The following ZNF695 variants were observed in gnomAD, a reference collection of about 807,000 sequenced individuals.
The protein encoded by ZNF695 is zinc finger protein 695, also known as zinc finger protein SBZF3.
In ZNF695, 11 loss-of-function variants were observed where a neutral mutation model predicts 11.2. The observed-to-expected ratio is 0.98, with a 90% CI of 0.62 to 1.62. The LOEUF (loss-of-function observed/expected upper bound fraction) is 1.62, where lower values mean the gene tolerates loss of function less well. Among genes scored for constraint, ZNF695 ranks in the 40% most tolerant of loss-of-function variants. The pLI is 0.00. For missense variants in ZNF695, 559 were observed against 590.5 expected (o/e 0.95, Z 0.55); for synonymous variants, 190 against 201.4 (o/e 0.94, Z 0.48).
chr1:246,966,818 G>A (rs1448651075), intron 5 of ZNF695: 3 of 456,680 alleles, frequency 6.6e-6, no homozygotes, highest in South Asian at 4.6e-5. Flanking sequence ...GAAAGTTGTG[G>A]GGAGGTCCTG....
chr1:246,972,145 G>A (rs533644487), intron 4 of ZNF695, among the ~76,000 whole-genome samples: 8 of 152,324 alleles, frequency 5.3e-5, no homozygotes, highest in Middle Eastern at 3.4e-3. Flanking sequence ...GTAGCAGGTC[G>A]GTGCTCCGCC....
At chr1:246,971,686 A>G in intron 4 of ZNF695, among the ~76,000 whole-genome samples, 1 of 152,334 alleles carries the variant, frequency 6.6e-6, no homozygotes, top group East Asian at 1.9e-4. Flanking sequence ...GATTATTATA[A>G]TATTGGAATA....
intron 3 of ZNF695, among the ~76,000 whole-genome samples, chr1:246,989,081 G>A (rs1263748941): frequency 7.0e-6 from 1 of 142,340 alleles, no homozygotes; most frequent in Non-Finnish European, 1.5e-5. Context: ...GCAACAGAGC[G>A]AGACTCCGTC....
chr1:246,949,487 G>A (rs1024765953), intron 5 of ZNF695, among the ~76,000 whole-genome samples: 1 of 152,014 alleles, frequency 6.6e-6, no homozygotes, highest in Non-Finnish European at 1.5e-5. Context: ...GCTACTTGGG[G>A]GGCTGAGGCA....
At chr1:246,958,308 T>C (rs1668060131) in intron 5 of ZNF695, among the ~76,000 whole-genome samples, 2 of 152,030 alleles carry the variant, frequency 1.3e-5, no homozygotes, top group Non-Finnish European at 2.9e-5. Context: ...TCTGCCCTCC[T>C]CGGCCTCCCA....
rs563136074 is a variant in ZNF695, at chr1:246,956,298, T to C, written c.489-10471A>G. Among the ~76,000 whole-genome samples the C allele has an allele frequency of 7.3e-5, 11 of 151,062 alleles. No homozygotes were observed. In the East Asian group the frequency reaches 2.0e-3, roughly 28 times the overall value. ...CTACTGTGCCCGGCCGATTGGATCATTATTTTTAAAAAAATCTATAAAAGA... is the reference window on the plus strand; with the variant it reads ...CTACTGTGCCCGGCCGATTGGATCACTATTTTTAAAAAAATCTATAAAAGA... On this transcript the variant is annotated intron_variant, in intron 5 of 5. Coordinates refer to the ZNF695 transcript ENST00000487338.
At chr1:247,004,822 C>A (rs549448913) in intron 1 of ZNF695, among the ~76,000 whole-genome samples, 2 of 152,218 alleles carry the variant, frequency 1.3e-5, no homozygotes, top group Admixed American at 1.3e-4. Context: ...AGAAAGTAAT[C>A]CCACTTACGA....
intron 5 of ZNF695, among the ~76,000 whole-genome samples, chr1:246,954,306 A>G (rs114739385): frequency 0.012 from 1,838 of 152,344 alleles, 35 homozygotes; most frequent in African/African-American, 0.041. Context: ...CATGTTGTCC[A>G]GCAGTTGAAA....
intron 1 of ZNF695, among the ~76,000 whole-genome samples, chr1:247,004,739 G>T (rs1300009629): frequency 6.6e-6 from 1 of 152,160 alleles, no homozygotes; most frequent in Non-Finnish European, 1.5e-5. Context: ...TAAAGTGGTA[G>T]GATACAATAC....
chr1:246,968,703 G>T (rs1395173649), intron 4 of ZNF695: 1 of 152,282 alleles, frequency 6.6e-6, no homozygotes, highest in African/African-American at 2.4e-5. Flanking sequence ...TCAGAAATCT[G>T]AAAGAATGGA....
At chr1:246,959,311 ATATATATATATATATATATATATATATAT>A (rs1455922103) in intron 5 of ZNF695, among the ~76,000 whole-genome samples, 1 of 20,962 alleles carries the variant, frequency 4.8e-5, no homozygotes, top group Non-Finnish European at 7.4e-5. Context: ...AAAAAAAAAA[ATATATATATATATATATATATATATATAT>A]ATATATATAT....
In ZNF695 at chr1:246,986,779, G is replaced by A. The variant is rs1397391698; in HGVS notation, c.*188C>T. On this transcript the variant is annotated 3_prime_UTR_variant, in exon 4 of 4. Coordinates refer to ENST00000339986, the MANE Select transcript of ZNF695 (RefSeq NM_020394.5). ...TAAGAGCTGTGATATAAGTGGAGGT[G>A]TTGAACCGGTCTATTTGTATTGTTC... 1 of 1,349,944 alleles carries A rather than the reference G, an allele frequency of 7.4e-7. No homozygotes were observed. Among genetic ancestry groups the A allele is most frequent in the African/African-American group, 1.5e-5 (1 of 68,010 alleles). 83.6% of individuals were successfully genotyped at this position (1,349,944 alleles called of 1,614,324 possible). A position where few individuals can be genotyped will look rare whatever the true frequency, so the allele number is the denominator to read the frequency against.
At chr1:246,955,319 T>C (rs1214851190) in intron 5 of ZNF695, among the ~76,000 whole-genome samples, 1 of 152,120 alleles carries the variant, frequency 6.6e-6, no homozygotes, top group Non-Finnish European at 1.5e-5. Context: ...TACTGAATAG[T>C]GTAAGGAAAT....
intron 5 of ZNF695, among the ~76,000 whole-genome samples, chr1:246,958,410 A>G (rs1253750173): frequency 6.6e-6 from 1 of 152,108 alleles, no homozygotes; most frequent in African/African-American, 2.4e-5. Flanking sequence ...AAGTCACAAA[A>G]TATGTGACTT....
chr1:246,983,020 G>A (rs534318584), downstream of ZNF695, among the ~76,000 whole-genome samples: 9 of 151,666 alleles, frequency 5.9e-5, no homozygotes, highest in South Asian at 4.2e-4. Context: ...TGGGGAACAC[G>A]GTGAAACCCT....
chr1:246,958,183 C>T (rs536205569), intron 5 of ZNF695, among the ~76,000 whole-genome samples: 124 of 151,932 alleles, frequency 8.2e-4, no homozygotes, highest in African/African-American at 2.7e-3. Flanking sequence ...CTCAGCCTCC[C>T]GAGTACCTGG....
At chr1:246,963,631 G>A (rs556982811) in intron 5 of ZNF695, among the ~76,000 whole-genome samples, 6 of 152,248 alleles carry the variant, frequency 3.9e-5, no homozygotes, top group South Asian at 2.1e-4. Context: ...GGGTTATTGC[G>A]ATTTTAAATG....
At chr1:246,983,238 G>A (rs1393906625), downstream of ZNF695, among the ~76,000 whole-genome samples, 1 of 151,714 alleles carries the variant, frequency 6.6e-6, no homozygotes, top group Non-Finnish European at 1.5e-5. Context: ...GCTTGTAGCT[G>A]GGCCACATGG....
At chr1:246,983,924 G>C (rs1029255255), downstream of ZNF695, among the ~76,000 whole-genome samples, 3 of 152,030 alleles carry the variant, frequency 2.0e-5, no homozygotes, top group African/African-American at 7.2e-5. Context: ...AGGAGGCCAA[G>C]GCAGGTCAGT....
Sources: allele counts gnomAD v4.1 joint callset (sites outside exome capture counted in the v4.1 genomes callset), GRCh38; gene constraint gnomAD v4.1.1; transcripts MANE v1.5; gene names NCBI Gene and HGNC (gene_info 2026-07-23, HGNC 2026-07-21).